STK33: variants seen among roughly 807,000 people sequenced by gnomAD.
The protein encoded by STK33 is serine/threonine-protein kinase 33.
STK33 carries 52 observed loss-of-function variants against 58.0 expected under a neutral mutation model. That is an observed-to-expected ratio of 0.90 (90% CI 0.72 to 1.13). STK33 has a LOEUF of 1.13. STK33 is among the 50% of genes most tolerant of loss of function. The pLI is 0.00. For synonymous variants in STK33, 215 were observed against 200.1 expected (o/e 1.07, Z -0.63); for missense variants, 630 against 604.2 (o/e 1.04, Z -0.45).
chr11:8,504,565 G>C (rs556439204), intron 1 of STK33, among the ~76,000 whole-genome samples: 2 of 152,196 alleles, frequency 1.3e-5, no homozygotes, highest in East Asian at 3.9e-4. Flanking sequence ...AAGGTGGGAG[G>C]ATCACTTGAG....
At chr11:8,479,539 C>T (rs1949609632) in intron 2 of STK33, among the ~76,000 whole-genome samples, 1 of 151,972 alleles carries the variant, frequency 6.6e-6, no homozygotes, top group Admixed American at 6.6e-5. Context: ...TTCTCCCTCT[C>T]CATTATAAGC....
chr11:8,402,310 T>C (rs376209956), intron 15 of STK33, among the ~76,000 whole-genome samples: 2 of 152,294 alleles, frequency 1.3e-5, no homozygotes, highest in East Asian at 3.9e-4. Flanking sequence ...TTCATGTCCT[T>C]TGTAGGGACA....
At chr11:8,438,791 T>C (rs1460226150) in intron 12 of STK33, among the ~76,000 whole-genome samples, 1 of 152,188 alleles carries the variant, frequency 6.6e-6, no homozygotes, top group Non-Finnish European at 1.5e-5. Context: ...CTTCAGAGTA[T>C]AAAAGACTAA....
intron 1 of STK33, among the ~76,000 whole-genome samples, chr11:8,530,066 C>T (rs892830704): frequency 1.3e-5 from 2 of 152,132 alleles, no homozygotes; most frequent in African/African-American, 4.8e-5. Flanking sequence ...TGAAGTCCTG[C>T]CTGCTCCTTA....
intron 1 of STK33, among the ~76,000 whole-genome samples, chr11:8,540,899 T>C (rs1240881931): frequency 6.6e-6 from 1 of 151,994 alleles, no homozygotes; most frequent in Admixed American, 6.6e-5. Flanking sequence ...TGGTTGCTCT[T>C]GTCATGAAAA....
At chr11:8,446,474 C>T (rs564115591) in intron 11 of STK33, among the ~76,000 whole-genome samples, 1 of 151,948 alleles carries the variant, frequency 6.6e-6, no homozygotes, top group South Asian at 2.1e-4. Context: ...GTTAGGGTGT[C>T]GATTTTAGAT....
chr11:8,440,795 A>T, intron 11 of STK33, 42 bp from the exon 12 acceptor site: 1 of 1,509,756 alleles, frequency 6.6e-7, no homozygotes, highest in Non-Finnish European at 9.0e-7. Flanking sequence ...ATAATACAAT[A>T]AATGTCTTTT....
At chr11:8,535,049 T>G (rs976197414) in intron 1 of STK33, among the ~76,000 whole-genome samples, 2 of 152,138 alleles carry the variant, frequency 1.3e-5, no homozygotes, top group Non-Finnish European at 2.9e-5. Context: ...GGTACAGAGA[T>G]GAGTCTTAGG....
chr11:8,485,054 A>C (rs1950105262), intron 1 of STK33, among the ~76,000 whole-genome samples: 1 of 152,204 alleles, frequency 6.6e-6, no homozygotes, highest in African/African-American at 2.4e-5. Flanking sequence ...CATTTGAAAA[A>C]ATAATATTGT....
intron 1 of STK33, among the ~76,000 whole-genome samples, chr11:8,513,829 ACT>A (rs1952536365): frequency 6.6e-6 from 1 of 152,088 alleles, no homozygotes. Flanking sequence ...ATTCAATTAT[ACT>A]CTTTTAGTTA....
chr11:8,433,568 C>A (rs1160455905), intron 14 of STK33, among the ~76,000 whole-genome samples: 1 of 152,170 alleles, frequency 6.6e-6, no homozygotes, highest in African/African-American at 2.4e-5. Context: ...TTGGATGCCA[C>A]ATAAGCATTG....
chr11:8,432,302 G>A (rs1438089500), intron 14 of STK33, among the ~76,000 whole-genome samples: 3 of 152,118 alleles, frequency 2.0e-5, no homozygotes, highest in African/African-American at 7.2e-5. Context: ...AGACTTGAAG[G>A]AATACCAAGG....
intron 15 of STK33, among the ~76,000 whole-genome samples, chr11:8,394,789 T>C (rs959554354): frequency 1.3e-5 from 2 of 152,230 alleles, no homozygotes; most frequent in Admixed American, 1.3e-4. Context: ...AATGTTTAGT[T>C]GCTTTGGTGT....
intron 1 of STK33, among the ~76,000 whole-genome samples, chr11:8,584,889 T>C (rs2031205225): frequency 1.3e-5 from 2 of 151,810 alleles, no homozygotes; most frequent in Admixed American, 1.3e-4. Flanking sequence ...AGCAGATTCT[T>C]AGAGAAAATG....
Position 8,458,417 on chromosome 11 carries a change from C to T in STK33, c.559-938G>A, listed in dbSNP as rs1013590738. Among the ~76,000 whole-genome samples the T allele has an allele frequency of 4.5e-4, 52 of 114,692 alleles. 1 individual carries two copies. Among genetic ancestry groups the T allele is most frequent in the African/African-American group, 1.5e-3 (43 of 28,232 alleles). 75.2% of individuals were successfully genotyped at this position (114,692 alleles called of 152,430 possible). A position where few individuals can be genotyped will look rare whatever the true frequency, so the allele number is the denominator to read the frequency against. On this transcript the variant is annotated intron_variant, in intron 8 of 15. Coordinates refer to ENST00000687296, the MANE Select transcript of STK33 (RefSeq NM_001352389.2). ...GAAATGCAGAAACTTAGCTTATGGG[C>T]CATTAAAAAAAAAAAAAAACAGGTA...
At chr11:8,385,758 C>A in the STK33 span, among the ~76,000 whole-genome samples, 1 of 151,780 alleles carries the variant, frequency 6.6e-6, no homozygotes, top group African/African-American at 2.4e-5. Flanking sequence ...GAATGAATGA[C>A]TGAGTCTCTC....
chr11:8,434,539 C>T (rs985421533), intron 14 of STK33, among the ~76,000 whole-genome samples: 1 of 152,068 alleles, frequency 6.6e-6, no homozygotes, highest in Non-Finnish European at 1.5e-5. Context: ...CACACTATAT[C>T]GTAAAGATGA....
In STK33 at chr11:8,452,670, C is replaced by G. The variant is rs1439583467; in HGVS notation, c.871+152G>C. The G allele has an allele frequency of 9.4e-6, 6 of 637,988 alleles. No homozygotes were observed. The South Asian group carries it at 1.0e-4, about 11-fold the overall frequency. 39.5% of individuals were successfully genotyped at this position (637,988 alleles called of 1,614,324 possible). ...AGGTGTGGTGGCATACACCTGTGGTCCTAGCTACTTGAGAGGCTGAGGTGG... is the reference window on the plus strand; with the variant it reads ...AGGTGTGGTGGCATACACCTGTGGTGCTAGCTACTTGAGAGGCTGAGGTGG... On this transcript the variant is annotated intron_variant, in intron 11 of 15. Transcript: ENST00000687296.
the STK33 span, among the ~76,000 whole-genome samples, chr11:8,369,848 G>C: frequency 6.6e-6 from 1 of 152,232 alleles, no homozygotes; most frequent in East Asian, 1.9e-4. Context: ...TTTGAGGCTT[G>C]AGATGCTAGG....
Sources: allele counts gnomAD v4.1 joint callset (sites outside exome capture counted in the v4.1 genomes callset), GRCh38; gene constraint gnomAD v4.1.1; transcripts MANE v1.5; gene names NCBI Gene and HGNC (gene_info 2026-07-23, HGNC 2026-07-21).